Variants in RFX3 observed in about 807,000 individuals in gnomAD.
RFX3 encodes the protein regulatory factor X3, also known as transcription factor RFX3.
A neutral mutation model predicts 98.6 loss-of-function variants in RFX3; 14 were observed. The observed-to-expected ratio is 0.14, with a 90% CI of 0.09 to 0.22. The LOEUF (loss-of-function observed/expected upper bound fraction) is 0.22. Ranked by LOEUF, RFX3 falls within the 10% of genes least tolerant of loss-of-function variation. RFX3 has a pLI of 1.00. For synonymous variants in RFX3, 383 were observed against 328.4 expected, an observed-to-expected ratio of 1.17 and a Z score of -1.80; for missense variants, 639 against 926.9, an observed-to-expected ratio of 0.69 and a Z score of 4.03.
At chr9:3,467,028 TTATA>T (rs138952591) in intron 1 of RFX3, among the ~76,000 whole-genome samples, 3 of 98,848 alleles carry the variant, frequency 3.0e-5, no homozygotes, top group African/African-American at 6.2e-5. Context: ...ATCTAAAGAA[TTATA>T]TATATATATA....
rs1421053482 is a variant in RFX3, at chr9:3,424,410, G to A, written c.-8-28814C>T. Among the ~76,000 whole-genome samples the A allele has an allele frequency of 3.3e-5, 4 of 121,466 alleles. No individual in the cohort carries two copies. The East Asian group carries it at 9.8e-4, about 30-fold the overall frequency. The allele number at this position is 121,466 out of a possible 152,430, so 79.7% of individuals were successfully genotyped here. On this transcript the variant is annotated intron_variant, in intron 1 of 16. Coordinates refer to ENST00000617270, the MANE Select transcript of RFX3 (RefSeq NM_001282116.2). The stretch of plus-strand genomic sequence containing the variant: ...GGAGTCTCGCTCTGTCGCCCAGGCT[G>A]GAGTGCAGTGGCGCGATCTCGACTC...
chr9:3,511,202 G>T lies in RFX3; in HGVS notation c.-9+14545C>A, dbSNP rs535738616. 5.9e-4 allele frequency among the ~76,000 whole-genome samples: 89 copies of T among 151,840 alleles called. 1 individual carries two copies. The highest frequency in any genetic ancestry group is 2.9e-4 in the Non-Finnish European group (20 of 67,844). ...TCTTCATATCTTAATCATTTAATTA[G>T]GTTCAAACAAGGAAACATCAGCTTT... On this transcript the variant is annotated intron_variant, in intron 1 of 16. Coordinates refer to ENST00000617270, the MANE Select transcript of RFX3 (RefSeq NM_001282116.2).
intron 15 of RFX3, among the ~76,000 whole-genome samples, chr9:3,242,393 T>C (rs7048608): frequency 0.025 from 3,852 of 152,022 alleles, 166 homozygotes; most frequent in African/African-American, 0.088. Context: ...AAGCCACTAC[T>C]CTTCCATGAT....
intron 4 of RFX3, among the ~76,000 whole-genome samples, chr9:3,312,336 CA>C (rs1334391563): frequency 6.6e-6 from 1 of 152,114 alleles, no homozygotes; most frequent in East Asian, 1.9e-4. Flanking sequence ...GCAGCTGAAA[CA>C]GTATCAGTTC....
chr9:3,374,179 T>A (rs529384593), intron 2 of RFX3, among the ~76,000 whole-genome samples: 1 of 151,886 alleles, frequency 6.6e-6, no homozygotes, highest in Non-Finnish European at 1.5e-5. Context: ...AGAAAATAAG[T>A]GTTGGTGAGG....
At chr9:3,386,692 C>A (rs530139695) in intron 2 of RFX3, among the ~76,000 whole-genome samples, 1 of 152,154 alleles carries the variant, frequency 6.6e-6, no homozygotes, top group Non-Finnish European at 1.5e-5. Context: ...CCAGAAAGAT[C>A]CTAGAAAATA....
intron 13 of RFX3, 137 bp from the exon 14 acceptor site, chr9:3,257,336 A>G: frequency 1.4e-6 from 1 of 693,650 alleles, no homozygotes; most frequent in Non-Finnish European, 2.4e-6. Context: ...GAAAATAAAA[A>G]ACTACTTGTC....
chr9:3,359,136 T>C (rs1836121764), intron 2 of RFX3, among the ~76,000 whole-genome samples: 1 of 151,726 alleles, frequency 6.6e-6, no homozygotes, highest in South Asian at 2.1e-4. Flanking sequence ...GAATTGGGCA[T>C]ACCGCTTGCA....
chr9:3,377,531 T>C (rs575031914), intron 2 of RFX3, among the ~76,000 whole-genome samples: 1 of 152,128 alleles, frequency 6.6e-6, no homozygotes, highest in African/African-American at 2.4e-5. Context: ...GGGACATGTA[T>C]ACATATGTAA....
In RFX3 at chr9:3,222,355, C is replaced by T. The variant is rs958198563; in HGVS notation, c.*2687G>A. On this transcript the variant is annotated 3_prime_UTR_variant, in exon 17 of 17. Coordinates refer to ENST00000617270, the MANE Select transcript of RFX3 (RefSeq NM_001282116.2). Reference sequence around the variant, plus strand: ...AATGTTTTATTAGTTCTTAATCTGTCCTAATTTAGAACAAACCATGAACAA... The same window carrying T: ...AATGTTTTATTAGTTCTTAATCTGTTCTAATTTAGAACAAACCATGAACAA... 7 of 152,012 alleles carry T rather than the reference C, an allele frequency of 4.6e-5. No individual in the cohort carries two copies. Among genetic ancestry groups the T allele is most frequent in the Non-Finnish European group, 1.0e-4 (7 of 67,984 alleles). The allele number at this position is 152,012 out of a possible 1,614,324, so 9.4% of individuals were successfully genotyped here. A position where few individuals can be genotyped will look rare whatever the true frequency, so the allele number is the denominator to read the frequency against.
chr9:3,317,613 C>A (rs1164061281), intron 4 of RFX3, among the ~76,000 whole-genome samples: 1 of 152,194 alleles, frequency 6.6e-6, no homozygotes, highest in Non-Finnish European at 1.5e-5. Context: ...TTTTTACAAT[C>A]TACCCATCTG....
intron 1 of RFX3, among the ~76,000 whole-genome samples, chr9:3,505,631 T>C (rs1395371132): frequency 1.3e-5 from 2 of 150,872 alleles, no homozygotes; most frequent in Non-Finnish European, 3.0e-5. Context: ...CAATATTATA[T>C]TATAAATATA....
chr9:3,385,385 C>T (rs141876632), intron 2 of RFX3, among the ~76,000 whole-genome samples: 1 of 152,202 alleles, frequency 6.6e-6, no homozygotes, highest in African/African-American at 2.4e-5. Context: ...TAAGTCTATA[C>T]ATAGTCTTAT....
chr9:3,338,377 T>C (rs1281632922), intron 3 of RFX3, among the ~76,000 whole-genome samples: 1 of 152,246 alleles, frequency 6.6e-6, no homozygotes, highest in African/African-American at 2.4e-5. Flanking sequence ...GTAATACTTC[T>C]TGTAATAACT....
intron 15 of RFX3, among the ~76,000 whole-genome samples, chr9:3,245,972 T>C (rs557923380): frequency 2.0e-5 from 3 of 152,332 alleles, no homozygotes; most frequent in African/African-American, 7.2e-5. Flanking sequence ...ATTTTTTGAA[T>C]TTCCTTCTCC....
chr9:3,244,302 G>A (rs994584344), intron 15 of RFX3, among the ~76,000 whole-genome samples: 3 of 152,018 alleles, frequency 2.0e-5, no homozygotes, highest in African/African-American at 4.8e-5. Flanking sequence ...CACCAAGCCC[G>A]GCCTCTTATT....
At chr9:3,445,216 T>G (rs867885861) in intron 1 of RFX3, among the ~76,000 whole-genome samples, 3 of 147,086 alleles carry the variant, frequency 2.0e-5, no homozygotes, top group Middle Eastern at 3.3e-3. Flanking sequence ...TGTATTTGTC[T>G]GTTTGTATTT....
intron 2 of RFX3, among the ~76,000 whole-genome samples, chr9:3,351,313 A>G (rs1835089787): frequency 6.6e-6 from 1 of 152,090 alleles, no homozygotes; most frequent in Admixed American, 6.6e-5. Flanking sequence ...GTGTATGCAC[A>G]TATATATGTA....
intron 1 of RFX3, among the ~76,000 whole-genome samples, chr9:3,397,826 G>C (rs1364188805): frequency 6.6e-6 from 1 of 152,142 alleles, no homozygotes; most frequent in Non-Finnish European, 1.5e-5. Context: ...TTAAGTGCTT[G>C]ATATATTTAT....
Sources: allele counts gnomAD v4.1 joint callset (sites outside exome capture counted in the v4.1 genomes callset), GRCh38; gene constraint gnomAD v4.1.1; transcripts MANE v1.5; gene names NCBI Gene and HGNC (gene_info 2026-07-23, HGNC 2026-07-21).